Variants in ZNF587B observed in about 807,000 individuals in gnomAD.
The protein encoded by ZNF587B is zinc finger protein 587B.
In ZNF587B, 6 loss-of-function variants were observed where a neutral mutation model predicts 7.2. The observed-to-expected ratio is 0.83, with a 90% CI of 0.46 to 1.65. ZNF587B has a LOEUF of 1.65. Ranked by LOEUF, ZNF587B falls within the 40% of genes most tolerant of loss-of-function variation. ZNF587B has a pLI of 0.01. For missense variants in ZNF587B, 749 were observed against 761.0 expected (o/e 0.98, Z 0.19); for synonymous variants, 274 against 254.3 (o/e 1.08, Z -0.74).
chr19:57,840,206 T>C (rs111856778), intron 2 of ZNF587B, among the ~76,000 whole-genome samples: 1 of 150,634 alleles, frequency 6.6e-6, no homozygotes, highest in African/African-American at 2.4e-5. Context: ...GCAAGAGAAG[T>C]AGGCACACAT....
chr19:57,837,561 G>C (rs1050415498), intron 1 of ZNF587B, among the ~76,000 whole-genome samples: 6 of 151,470 alleles, frequency 4.0e-5, no homozygotes, highest in African/African-American at 1.5e-4. Flanking sequence ...CCATTCTCCT[G>C]CCTCAGCCTC....
Position 57,842,500 on chromosome 19 carries a change from G to C in ZNF587B, c.1826G>C (p.Ser609Thr). ...VHTGEKPYGCSECEKKFRKSS... is the reference protein window; with the variant it reads ...VHTGEKPYGCTECEKKFRKSS... The stretch of plus-strand genomic sequence containing the variant: ...ACTGGAGAAAAGCCTTATGGGTGTA[G>C]TGAATGTGAAAAAAAATTTAGGAAA... Residue 609 changes from serine to threonine, a missense_variant, in exon 3 of 3, where the codon AGT (serine) becomes ACT (threonine). By Grantham distance (58) the Ser-to-Thr change is moderately conservative (BLOSUM62 1). This residue lies in a region of ZNF587B where 656 missense variants were observed against 596.5 expected (regional missense o/e 1.10). Coordinates refer to ENST00000594901, the MANE Select transcript of ZNF587B (RefSeq NM_001376223.1). 1 of 1,568,736 alleles carries C rather than the reference G, an allele frequency of 6.4e-7. No individual in the cohort carries two copies. The highest frequency in any genetic ancestry group is 8.6e-7 in the Non-Finnish European group (1 of 1,164,470).
chr19:57,838,082 G>T (rs1988697135), intron 1 of ZNF587B, among the ~76,000 whole-genome samples: 1 of 151,866 alleles, frequency 6.6e-6, no homozygotes, highest in South Asian at 2.1e-4. Flanking sequence ...GCTGAGGTGG[G>T]TGGATCACAA....
intron 2 of ZNF587B, 50 bp from the exon 3 acceptor site, chr19:57,840,788 C>G (rs1176380537): frequency 2.5e-6 from 4 of 1,593,356 alleles, no homozygotes; most frequent in Non-Finnish European, 3.4e-6. Flanking sequence ...GTGGTCTGTG[C>G]CTTCCCACCA....
In ZNF587B at chr19:57,841,264, C is replaced by G. The variant is rs531121869; in HGVS notation, c.590C>G (p.Ser197Ter). Residue 197 changes from serine (S) to a stop codon, truncating the protein, a stop_gained, in exon 3 of 3, where the codon TCA (serine) becomes TGA (stop). Coordinates refer to ENST00000594901, the MANE Select transcript of ZNF587B (RefSeq NM_001376223.1). LOFTEE classifies it low-confidence loss of function (END_TRUNC). ...QQEASHTGEK[S>*]NSKTECVSPF... ...GAGGCCAGTCACACTGGGGAGAAGT[C>G]AAACAGCAAAACTGAGTGTGTGTCT... is the stretch of plus-strand genomic sequence containing the variant. 22 of 1,613,990 alleles carry G rather than the reference C, an allele frequency of 1.4e-5. No homozygotes were observed. Among genetic ancestry groups the G allele is most frequent in the Non-Finnish European group, 1.9e-5 (22 of 1,180,036 alleles).
rs1283173155 is a variant in ZNF587B, at chr19:57,844,958, C to G, written c.*2382C>G. 6.6e-6 allele frequency: 1 copy of G among 151,844 alleles called. No individual in the cohort carries two copies. The highest frequency in any genetic ancestry group is 1.5e-5 in the Non-Finnish European group (1 of 67,960). The allele number at this position is 151,844 out of a possible 1,614,324, so 9.4% of individuals were successfully genotyped here. On this transcript the variant is annotated 3_prime_UTR_variant, in exon 3 of 3. Transcript: ENST00000594901. The stretch of plus-strand genomic sequence containing the variant: ...CATTTATAGTCAGCAGAGGGGACAG[C>G]AATAAAGTTTTTGAAATATATCTTT...
intron 1 of ZNF587B, among the ~76,000 whole-genome samples, chr19:57,832,096 T>A (rs1419007211): frequency 7.1e-6 from 1 of 141,492 alleles, no homozygotes; most frequent in African/African-American, 3.0e-5. Flanking sequence ...TTTCTTTTTG[T>A]TTTTTTTTGA....
rs773094472 is a variant in ZNF587B, at chr19:57,830,583, A to G, written c.36+19A>G. ...TGCTCAGGTAATTGTGGTGCCTTCC[A>G]TGCCCTCAGGTCACCTCATCATCAC... On this transcript the variant is annotated intron_variant, in intron 1 of 2. Coordinates refer to ENST00000594901, the MANE Select transcript of ZNF587B (RefSeq NM_001376223.1). 3.2e-6 allele frequency: 5 copies of G among 1,549,848 alleles called. No homozygotes were observed. The African/African-American group carries it at 4.1e-5, about 13-fold the overall frequency.
chr19:57,840,346 C>G (rs948455722), intron 2 of ZNF587B, among the ~76,000 whole-genome samples: 2 of 152,094 alleles, frequency 1.3e-5, no homozygotes, highest in African/African-American at 4.8e-5. Context: ...ATTCTCCTAT[C>G]TAATCTTCAC....
chr19:57,843,983 G>A lies in ZNF587B; in HGVS notation c.*1407G>A, dbSNP rs372525699. ...AGTCTGGTCTCAAACTGCTGGTCTCGAGTGATCCTTCTGCCTGGCTTCCCA... is the reference window on the plus strand; with the variant it reads ...AGTCTGGTCTCAAACTGCTGGTCTCAAGTGATCCTTCTGCCTGGCTTCCCA... On this transcript the variant is annotated 3_prime_UTR_variant, in exon 3 of 3. Transcript: ENST00000594901. Among the ~76,000 whole-genome samples, 4 of 152,120 alleles carry A rather than the reference G, an allele frequency of 2.6e-5. No individual in the cohort carries two copies. The highest frequency in any genetic ancestry group is 4.8e-5 in the African/African-American group (2 of 41,420).
chr19:57,840,075 C>CAAAAAAAAAA (rs774635301), intron 2 of ZNF587B, among the ~76,000 whole-genome samples: 8 of 81,112 alleles, frequency 9.9e-5, no homozygotes, highest in African/African-American at 1.3e-4. Context: ...ACTCTGTCTC[C>CAAAAAAAAAA]AAAAAAAAAA....
At position 57,838,746 on chromosome 19, in the gene ZNF587B, G is replaced by C. The variant is rs540689799; in HGVS notation, c.37-277G>C. Among the ~76,000 whole-genome samples the C allele has an allele frequency of 2.1e-4, 32 of 152,338 alleles. 1 individual carries two copies. The East Asian group carries it at 5.8e-3, about 28-fold the overall frequency. ...TGCGTTCAGAGAGGGTATCTCTGCT[G>C]TGCTGAAGGTGCCACATTGGGCTTC... On this transcript the variant is annotated intron_variant, in intron 1 of 2. Coordinates refer to ENST00000594901, the MANE Select transcript of ZNF587B (RefSeq NM_001376223.1).
In ZNF587B at chr19:57,842,639, G is replaced by A; in HGVS notation, c.*63G>A. ...AGCACACACCTGAGTAAGATCTTGTGATTGCAGCAAATGTGGAAAATGTTT... is the reference window on the plus strand; with the variant it reads ...AGCACACACCTGAGTAAGATCTTGTAATTGCAGCAAATGTGGAAAATGTTT... On this transcript the variant is annotated 3_prime_UTR_variant, in exon 3 of 3. Transcript: ENST00000594901. 7.4e-7 allele frequency: 1 copy of A among 1,350,436 alleles called. No individual in the cohort carries two copies. Among genetic ancestry groups the A allele is most frequent in the East Asian group, 2.7e-5 (1 of 37,108 alleles). The allele number at this position is 1,350,436 out of a possible 1,614,324, so 83.7% of individuals were successfully genotyped here. A position where few individuals can be genotyped will look rare whatever the true frequency, so the allele number is the denominator to read the frequency against.
rs747710101 is a variant in ZNF587B, at chr19:57,842,403, C to G, written c.1729C>G (p.Pro577Ala). 4 of 1,601,048 alleles carry G rather than the reference C, an allele frequency of 2.5e-6. No homozygotes were observed. The East Asian group carries it at 8.9e-5, about 36-fold the overall frequency. ...CAGGAGAGTTCACACTGGTCAGAAG[C>G]CTTATGAGTGCAGTGAATGTGGGAA... Reference protein sequence around the residue: ...SHRRVHTGQKPYECSECGKSF... With the variant: ...SHRRVHTGQKAYECSECGKSF... The change falls in exon 3 of 3, where the codon CCT (proline) becomes GCT (alanine). Residue 577 changes from proline to alanine, a missense_variant. This residue lies in a region of ZNF587B where 656 missense variants were observed against 596.5 expected (regional missense o/e 1.10). Coordinates refer to ENST00000594901, the MANE Select transcript of ZNF587B (RefSeq NM_001376223.1).
chr19:57,832,304 C>A lies in ZNF587B; in HGVS notation c.36+1740C>A, dbSNP rs1370312337. ...GTTCCGCCATGTTGGCCAGAATGGTCTCAATCTCTTGACATTGTGATCCGC... is the reference window on the plus strand; with the variant it reads ...GTTCCGCCATGTTGGCCAGAATGGTATCAATCTCTTGACATTGTGATCCGC... On this transcript the variant is annotated intron_variant, in intron 1 of 2. Transcript: ENST00000594901. 2.6e-5 allele frequency among the ~76,000 whole-genome samples: 4 copies of A among 152,136 alleles called. No homozygotes were observed. In the East Asian group the frequency reaches 7.7e-4, roughly 29 times the overall value.
At chr19:57,836,767 C>G (rs2122221160) in intron 1 of ZNF587B, among the ~76,000 whole-genome samples, 1 of 152,106 alleles carries the variant, frequency 6.6e-6, no homozygotes, top group Non-Finnish European at 1.5e-5. Flanking sequence ...AGTTTGAAAC[C>G]AGCCTGCCCA....
chr19:57,831,763 G>A (rs1364899845), intron 1 of ZNF587B, among the ~76,000 whole-genome samples: 1 of 150,240 alleles, frequency 6.7e-6, no homozygotes, highest in African/African-American at 2.5e-5. Flanking sequence ...GGAGTACAGT[G>A]GCGTGATCTC....
chr19:57,838,601 A>C (rs1427746419), intron 1 of ZNF587B, among the ~76,000 whole-genome samples: 1 of 151,920 alleles, frequency 6.6e-6, no homozygotes, highest in Non-Finnish European at 1.5e-5. Context: ...CTCCATCTCA[A>C]ACAAACAAAC....
rs895206296 is a variant in ZNF587B, at chr19:57,839,240, T to C, written c.163+91T>C. ...GCAAGACTTTCTCATGTCAGGAGCA[T>C]GGACACAGCTTCCTGCTTCAGTTCT... On this transcript the variant is annotated intron_variant, in intron 2 of 2. Coordinates refer to ENST00000594901, the MANE Select transcript of ZNF587B (RefSeq NM_001376223.1). The C allele has an allele frequency of 7.7e-6, 12 of 1,555,338 alleles. No homozygotes were observed. In the African/African-American group the frequency reaches 8.2e-5, roughly 11 times the overall value.
Sources: gnomAD v4.1 joint callset for allele counts (sites outside exome capture counted in the v4.1 genomes callset) on GRCh38, gnomAD v4.1.1 for gene constraint, gnomAD v4.1.1 regional missense constraint, MANE v1.5 for transcripts, NCBI Gene and HGNC (gene_info 2026-07-23, HGNC 2026-07-21) for gene names.